The following PABPC4L variants were observed in gnomAD, a reference collection of about 807,000 sequenced individuals.
The protein encoded by PABPC4L is polyadenylate-binding protein 4-like.
For missense variants in PABPC4L, 452 were observed against 451.4 expected (o/e 1.00, Z -0.01); for synonymous variants, 169 against 164.1 (o/e 1.03, Z -0.23).
the PABPC4L span, among the ~76,000 whole-genome samples, chr4:133,966,039 A>C: frequency 1.3e-5 from 2 of 152,170 alleles, no homozygotes; most frequent in Admixed American, 1.3e-4. Context: ...GAAAAACCAC[A>C]GAATGGGAGA....
At chr4:134,146,714 C>T in the PABPC4L span, among the ~76,000 whole-genome samples, 2 of 151,988 alleles carry the variant, frequency 1.3e-5, no homozygotes, top group African/African-American at 4.8e-5. Context: ...GTTTGTGAGG[C>T]TGAGTCCAGG....
At chr4:134,059,600 A>C in the PABPC4L span, among the ~76,000 whole-genome samples, 47 of 151,580 alleles carry the variant, frequency 3.1e-4, no homozygotes, top group Admixed American at 2.2e-3. Context: ...AATATGAACA[A>C]GATATCATAA....
chr4:133,973,413 A>G, the PABPC4L span, among the ~76,000 whole-genome samples: 10 of 152,196 alleles, frequency 6.6e-5, no homozygotes, highest in African/African-American at 1.9e-4. Context: ...AACTCTGGAA[A>G]ACAGCTAAAT....
chr4:134,083,206 G>T, the PABPC4L span, among the ~76,000 whole-genome samples: 31 of 152,168 alleles, frequency 2.0e-4, no homozygotes, highest in African/African-American at 6.7e-4. Flanking sequence ...GGTTTACATT[G>T]AGTCTCTGAA....
chr4:134,173,177 A>AG, the PABPC4L span, among the ~76,000 whole-genome samples: 34 of 150,876 alleles, frequency 2.3e-4, no homozygotes, highest in African/African-American at 6.5e-4. Flanking sequence ...AAAAAAAAAA[A>AG]AAAGAAACTG....
the PABPC4L span, among the ~76,000 whole-genome samples, chr4:134,066,252 C>T: frequency 6.6e-6 from 1 of 152,014 alleles, no homozygotes; most frequent in African/African-American, 2.4e-5. Flanking sequence ...TCATTGTAGA[C>T]ATATTTCACC....
At chr4:134,095,295 G>C in the PABPC4L span, among the ~76,000 whole-genome samples, 1 of 151,790 alleles carries the variant, frequency 6.6e-6, no homozygotes, top group Non-Finnish European at 1.5e-5. Flanking sequence ...ATTTGCCATA[G>C]AGCAGTATTA....
chr4:134,179,306 G>T, the PABPC4L span, among the ~76,000 whole-genome samples: 1 of 151,870 alleles, frequency 6.6e-6, no homozygotes, highest in Admixed American at 6.6e-5. Context: ...AAGTAAAGAA[G>T]AAATAAGATC....
the PABPC4L span, among the ~76,000 whole-genome samples, chr4:134,132,849 T>C: frequency 6.8e-6 from 1 of 147,882 alleles, no homozygotes; most frequent in African/African-American, 2.5e-5. Flanking sequence ...GAAAATGGTA[T>C]ATATATGAGA....
At chr4:134,177,247 C>T in the PABPC4L span, among the ~76,000 whole-genome samples, 1 of 141,742 alleles carries the variant, frequency 7.1e-6, no homozygotes, top group Non-Finnish European at 1.5e-5. Flanking sequence ...GTGGCAGGAT[C>T]TTGGCTCACT....
the PABPC4L span, among the ~76,000 whole-genome samples, chr4:134,152,232 G>C: frequency 6.6e-6 from 1 of 151,850 alleles, no homozygotes; most frequent in Non-Finnish European, 1.5e-5. Context: ...ATAGCTACGA[G>C]AGATATTGAC....
chr4:134,061,620 C>CAG, the PABPC4L span, among the ~76,000 whole-genome samples: 10,154 of 143,058 alleles, frequency 0.071, 444 homozygotes, highest in South Asian at 0.13. Context: ...CAAACATACA[C>CAG]AGAGAGAGAG....
At chr4:134,091,945 A>T in the PABPC4L span, among the ~76,000 whole-genome samples, 1 of 152,074 alleles carries the variant, frequency 6.6e-6, no homozygotes. Flanking sequence ...AGTAATAATG[A>T]TCTGGCTTTA....
chr4:134,150,346 A>G, the PABPC4L span, among the ~76,000 whole-genome samples: 3 of 151,946 alleles, frequency 2.0e-5, no homozygotes, highest in East Asian at 3.9e-4. Flanking sequence ...GGCCTCCCAA[A>G]GTGCTGGGAT....
At chr4:134,194,786 T>C (rs985445698), downstream of PABPC4L, among the ~76,000 whole-genome samples, 1 of 151,698 alleles carries the variant, frequency 6.6e-6, no homozygotes, top group Non-Finnish European at 1.5e-5. Context: ...GACCAATTAA[T>C]TTCCAGTATA....
At chr4:134,183,865 A>G in the PABPC4L span, among the ~76,000 whole-genome samples, 3 of 151,802 alleles carry the variant, frequency 2.0e-5, no homozygotes, top group African/African-American at 2.4e-5. Flanking sequence ...AATTCTCCTT[A>G]AATGTATCAA....
At position 134,200,218 on chromosome 4, in the gene PABPC4L, T is replaced by G; in HGVS notation, c.802A>C (p.Lys268Gln). 6.4e-7 allele frequency: 1 copy of G among 1,551,866 alleles called. No homozygotes were observed. Among genetic ancestry groups the G allele is most frequent in the South Asian group, 1.2e-5 (1 of 84,078 alleles). The change falls in exon 2 of 2, where the codon AAA becomes CAA. Residue 268 changes from lysine (K) to glutamine (Q), a missense_variant. Transcript: ENST00000421491. ...QLIFVGRAQK[K>Q]VERQAELKQM... is the part of the protein sequence containing the mutation. Reference sequence around the variant, plus strand: ...TTTAACTCAGCCTGTCGCTCGACTTTCTTTTGAGCCCGGCCTACAAAAATC... The same window carrying G: ...TTTAACTCAGCCTGTCGCTCGACTTGCTTTTGAGCCCGGCCTACAAAAATC...
At chr4:134,010,321 T>C in the PABPC4L span, among the ~76,000 whole-genome samples, 3 of 152,084 alleles carry the variant, frequency 2.0e-5, no homozygotes, top group Non-Finnish European at 2.9e-5. Context: ...TCATGTAAAA[T>C]AATACAGATT....
chr4:134,101,393 T>C, the PABPC4L span, among the ~76,000 whole-genome samples: 1 of 151,542 alleles, frequency 6.6e-6, no homozygotes, highest in African/African-American at 2.4e-5. Flanking sequence ...AATGTTTTAT[T>C]TTGCATGTGA....
Sources: gnomAD v4.1 joint callset for allele counts (sites outside exome capture counted in the v4.1 genomes callset) on GRCh38, gnomAD v4.1.1 for gene constraint, MANE v1.5 for transcripts, NCBI Gene and HGNC (gene_info 2026-07-23, HGNC 2026-07-21) for gene names.